Variants in KCNK10 observed in about 807,000 individuals in gnomAD.
KCNK10 encodes potassium channel subfamily K member 10.
A neutral mutation model predicts 47.7 loss-of-function variants in KCNK10; 25 were observed. That is an observed-to-expected ratio of 0.52 (90% CI 0.38 to 0.73). KCNK10 has a LOEUF of 0.73. Among genes scored for constraint, KCNK10 ranks in the 30% least tolerant of loss-of-function variants. The pLI, the probability that KCNK10 is intolerant of heterozygous loss-of-function variation, is 0.00. For synonymous variants in KCNK10, 303 were observed against 285.6 expected (o/e 1.06, Z -0.61); for missense variants, 563 against 714.5 (o/e 0.79, Z 2.42).
At chr14:88,198,344 T>A (rs987881828) in intron 4 of KCNK10, among the ~76,000 whole-genome samples, 6 of 152,166 alleles carry the variant, frequency 3.9e-5, no homozygotes, top group African/African-American at 1.4e-4. Flanking sequence ...CCACATCAAC[T>A]GAGTAACTCC....
intron 4 of KCNK10, among the ~76,000 whole-genome samples, chr14:88,222,760 G>C (rs1168290695): frequency 6.6e-6 from 1 of 152,166 alleles, no homozygotes; most frequent in African/African-American, 2.4e-5. Flanking sequence ...CCTGATATGA[G>C]GTTGGGTGAA....
intron 3 of KCNK10, among the ~76,000 whole-genome samples, chr14:88,237,538 TTAAA>T (rs1886332280): frequency 6.6e-6 from 1 of 152,232 alleles, no homozygotes; most frequent in South Asian, 2.1e-4. Context: ...AATGTATTTC[TTAAA>T]TAATAAGAGT....
chr14:88,290,482 A>G (rs1312643994), intron 1 of KCNK10, among the ~76,000 whole-genome samples: 2 of 152,224 alleles, frequency 1.3e-5, no homozygotes, highest in Admixed American at 6.5e-5. Flanking sequence ...TAATGCAATT[A>G]GTAACATGTT....
intron 1 of KCNK10, among the ~76,000 whole-genome samples, chr14:88,288,578 T>C (rs891034173): frequency 2.0e-5 from 3 of 152,142 alleles, no homozygotes; most frequent in African/African-American, 7.2e-5. Context: ...AAAATGTAAA[T>C]TCGATCCCTC....
At chr14:88,291,842 C>T (rs1392322035) in intron 1 of KCNK10, among the ~76,000 whole-genome samples, 1 of 152,140 alleles carries the variant, frequency 6.6e-6, no homozygotes, top group Non-Finnish European at 1.5e-5. Context: ...ACAAAGATGC[C>T]TAATGGTTTC....
At chr14:88,233,685 T>C (rs1267225643) in intron 3 of KCNK10, among the ~76,000 whole-genome samples, 5 of 152,186 alleles carry the variant, frequency 3.3e-5, no homozygotes, top group Non-Finnish European at 5.9e-5. Flanking sequence ...ACGTTCTTCA[T>C]TAGGCAGATG....
At chr14:88,308,726 A>T (rs556890219) in intron 1 of KCNK10, among the ~76,000 whole-genome samples, 2 of 152,358 alleles carry the variant, frequency 1.3e-5, no homozygotes, top group East Asian at 3.9e-4. Context: ...GTATACATGC[A>T]CAAGCCACAG....
chr14:88,281,768 A>G (rs1887656579), intron 1 of KCNK10, among the ~76,000 whole-genome samples: 1 of 150,886 alleles, frequency 6.6e-6, no homozygotes, highest in Admixed American at 6.6e-5. Flanking sequence ...ACACACACAC[A>G]CATACATATG....
chr14:88,201,029 C>A (rs1283489506), intron 4 of KCNK10, among the ~76,000 whole-genome samples: 3 of 152,146 alleles, frequency 2.0e-5, no homozygotes, highest in Non-Finnish European at 4.4e-5. Flanking sequence ...TGCAAATGAT[C>A]CAAAACAGGG....
At chr14:88,197,837 CAGAA>C (rs1226363481) in intron 4 of KCNK10, among the ~76,000 whole-genome samples, 1 of 123,788 alleles carries the variant, frequency 8.1e-6, no homozygotes, top group Non-Finnish European at 1.6e-5. Context: ...AAGGAAGAAA[CAGAA>C]GGAAGGAAGG....
intron 4 of KCNK10, among the ~76,000 whole-genome samples, chr14:88,221,119 A>G (rs938795431): frequency 1.3e-5 from 2 of 151,724 alleles, no homozygotes; most frequent in Non-Finnish European, 2.9e-5. Flanking sequence ...TTGGCCAACA[A>G]AGTGAAACCC....
In KCNK10 at chr14:88,240,760, T is replaced by G. The variant is rs775799565; in HGVS notation, c.463A>C (p.Ser155Arg). The G allele has an allele frequency of 6.2e-7, 1 of 1,613,818 alleles. No homozygotes were observed. The highest frequency in any genetic ancestry group is 1.3e-5 in the African/African-American group (1 of 74,894). ...SPIGNSSNNS[S>R]HWDLGSAFFF... ...AAGGCACTGCCGAGGTCCCAGTGGC[T>G]GCTGTTGTTGGAAGAGTTTCCTATT... Residue 155 changes from serine to arginine, a missense_variant, in exon 3 of 7, where the codon AGC becomes CGC. Coordinates refer to ENST00000319231, the MANE Select transcript of KCNK10 (RefSeq NM_138317.3).
chr14:88,225,340 C>T (rs994206424), intron 4 of KCNK10, among the ~76,000 whole-genome samples: 2 of 152,204 alleles, frequency 1.3e-5, no homozygotes, highest in Non-Finnish European at 2.9e-5. Flanking sequence ...ACTGTCTCGC[C>T]TTCCTAAAAG....
chr14:88,267,613 C>G (rs1195227790), intron 1 of KCNK10, among the ~76,000 whole-genome samples: 3 of 152,114 alleles, frequency 2.0e-5, no homozygotes, highest in Admixed American at 6.5e-5. Context: ...CTCAGGTGAT[C>G]TGCCCGCCTC....
chr14:88,308,990 AATGCAG>A (rs1330846257), intron 1 of KCNK10, among the ~76,000 whole-genome samples: 4 of 152,352 alleles, frequency 2.6e-5, no homozygotes, highest in East Asian at 3.9e-4. Context: ...AGATTTCTAA[AATGCAG>A]AAGTTGACCT....
At chr14:88,265,559 T>C (rs144947228) in intron 1 of KCNK10, among the ~76,000 whole-genome samples, 2 of 152,330 alleles carry the variant, frequency 1.3e-5, no homozygotes, top group East Asian at 3.9e-4. Context: ...TTAGTGCTGC[T>C]TTAAGCCACT....
rs1353876559 is a variant in KCNK10, at chr14:88,263,223, C to T, written c.381G>A (p.Gln127=). The T allele has an allele frequency of 5.0e-6, 8 of 1,613,830 alleles. No individual in the cohort carries two copies. The East Asian group carries it at 1.6e-4, about 31-fold the overall frequency. ...TCACCTGGATCAACGTCTCCAGCTC[C>T]TGGGGGCTCACACAGACATGATCCC... ...FLRDHVCVSP[Q]ELETLIQHAL... Residue 127 remains glutamine, a synonymous_variant, in exon 2 of 7, where the codon CAG becomes CAA. Transcript: ENST00000319231.
chr14:88,203,028 G>A (rs1436247680), intron 4 of KCNK10, among the ~76,000 whole-genome samples: 1 of 152,176 alleles, frequency 6.6e-6, no homozygotes, highest in Admixed American at 6.5e-5. Flanking sequence ...GAGCTTCCAT[G>A]GGAGGTGGGG....
rs1885529028 is a variant in KCNK10 at position 88,213,700 on chromosome 14, T to C, written c.681+13675A>G. 2.6e-5 allele frequency among the ~76,000 whole-genome samples: 4 copies of C among 152,184 alleles called. No individual in the cohort carries two copies. In the South Asian group the frequency reaches 8.3e-4, roughly 32 times the overall value. ...ATGAATACCCATAAAATTTTCTAGA[T>C]AGTTTCCTCTATCAGAGATGTTTTA... On this transcript the variant is annotated intron_variant, in intron 4 of 6. Coordinates refer to ENST00000319231, the MANE Select transcript of KCNK10 (RefSeq NM_138317.3).
Sources: allele counts gnomAD v4.1 joint callset (sites outside exome capture counted in the v4.1 genomes callset), GRCh38; gene constraint gnomAD v4.1.1; transcripts MANE v1.5; gene names NCBI Gene and HGNC (gene_info 2026-07-23, HGNC 2026-07-21).